Variants in CCDC141 observed in about 807,000 individuals in gnomAD.
CCDC141 encodes coiled-coil domain containing 141, also known as coiled-coil domain-containing protein 141.
In CCDC141, 168 loss-of-function variants were observed where a neutral mutation model predicts 181.0. The ratio of observed to expected loss-of-function variants is 0.93; its 90% CI spans 0.82 to 1.05. The LOEUF (loss-of-function observed/expected upper bound fraction) is 1.05, where lower values mean the gene tolerates loss of function less well. Ranked by LOEUF, CCDC141 falls within the 50% of genes least tolerant of loss-of-function variation. CCDC141 has a pLI of 0.00. For missense variants in CCDC141, 1,902 were observed against 1,788.5 expected (o/e 1.06, Z -1.14); for synonymous variants, 666 against 642.3 (o/e 1.04, Z -0.56).
chr2:178,966,175 C>T (rs956469950), intron 4 of CCDC141, among the ~76,000 whole-genome samples: 10 of 152,212 alleles, frequency 6.6e-5, no homozygotes, highest in Non-Finnish European at 1.3e-4. Flanking sequence ...GGGAAAGGGG[C>T]GCCTATGGGC....
intron 2 of CCDC141, among the ~76,000 whole-genome samples, chr2:178,987,534 C>A (rs1387568891): frequency 1.3e-5 from 2 of 151,814 alleles, no homozygotes; most frequent in East Asian, 3.9e-4. Context: ...AACAGGCAAC[C>A]TACAACATGG....
In CCDC141 at chr2:178,926,236, C is replaced by T. The variant is rs1440708602; in HGVS notation, c.898-7329G>A. On this transcript the variant is annotated intron_variant, in intron 6 of 23. Transcript: ENST00000443758. Reference sequence around the variant, plus strand: ...ACTTACAATCAGACAAATTTTGGAACCACTGATCCAGAATATTCTAAGGTA... The same window carrying T: ...ACTTACAATCAGACAAATTTTGGAATCACTGATCCAGAATATTCTAAGGTA... Among the ~76,000 whole-genome samples, 3 of 152,008 alleles carry T rather than the reference C, an allele frequency of 2.0e-5. No individual in the cohort carries two copies. In the East Asian group the frequency reaches 5.8e-4, roughly 29 times the overall value.
Position 178,855,493 on chromosome 2 carries a change from A to G in CCDC141, c.2914T>C (p.Phe972Leu). The G allele has an allele frequency of 6.2e-7, 1 of 1,606,694 alleles. No homozygotes were observed. Among genetic ancestry groups the G allele is most frequent in the Non-Finnish European group, 8.5e-7 (1 of 1,177,586 alleles). The part of the protein sequence containing the change: ...EKVSNKTSDS[F>L]LNYPSDKVNV... Reference sequence around the variant, plus strand: ...ACTTTATCACTTGGATAATTTAAGAAAGAATCAGAGGTTTTATTACTAACT... The same window carrying G: ...ACTTTATCACTTGGATAATTTAAGAGAGAATCAGAGGTTTTATTACTAACT... Residue 972 changes from phenylalanine to leucine, a missense_variant, in exon 19 of 24, where the codon TTC becomes CTC. Physicochemically the swap from Phe to Leu is conservative, Grantham distance 22. Transcript: ENST00000443758.
In CCDC141 at chr2:178,853,498, C is replaced by T; in HGVS notation, c.3187G>A (p.Val1063Met). The change falls in exon 20 of 24, where the codon GTG becomes ATG. Residue 1063 changes from valine (V) to methionine (M), a missense_variant. Coordinates refer to ENST00000443758, the MANE Select transcript of CCDC141 (RefSeq NM_173648.4). ...TGAATCCTTTCTTCTTGCTGCGGCA[C>T]TGAGGGTGCAATAAACTTATTAAAC... ...QQFNKFIAPS[V>M]PQQEERIQEA... 1.2e-6 allele frequency: 2 copies of T among 1,614,154 alleles called. No homozygotes were observed. The highest frequency in any genetic ancestry group is 2.2e-5 in the South Asian group (2 of 91,084).
At chr2:178,835,162 C>A (rs975685498) in intron 23 of CCDC141, among the ~76,000 whole-genome samples, 3 of 152,082 alleles carry the variant, frequency 2.0e-5, no homozygotes, top group Non-Finnish European at 4.4e-5. Flanking sequence ...TTATAAACTG[C>A]ATGGGAGTGA....
intron 5 of CCDC141, among the ~76,000 whole-genome samples, chr2:178,945,243 T>C (rs1689681187): frequency 6.6e-6 from 1 of 152,178 alleles, no homozygotes; most frequent in Non-Finnish European, 1.5e-5. Flanking sequence ...CCTTTCTAAA[T>C]GATGCCAACA....
At chr2:178,871,937 C>T (rs1686135989) in intron 13 of CCDC141, among the ~76,000 whole-genome samples, 196 bp downstream of exon 13, 1 of 152,194 alleles carries the variant, frequency 6.6e-6, no homozygotes, top group Admixed American at 6.5e-5. Flanking sequence ...CCTCTCTCTC[C>T]CAGTCCCTGG....
chr2:178,836,350 T>G (rs1403817751), intron 23 of CCDC141: 1 of 152,948 alleles, frequency 6.5e-6, no homozygotes, highest in African/African-American at 2.4e-5. Context: ...GGAGGAACTG[T>G]GACAGAAATA....
At chr2:178,861,316 A>T (rs576416585) in intron 17 of CCDC141, among the ~76,000 whole-genome samples, 1 of 152,110 alleles carries the variant, frequency 6.6e-6, no homozygotes, top group Non-Finnish European at 1.5e-5. Flanking sequence ...ACAGGCACAC[A>T]TCACCATGCT....
chr2:178,965,475 C>T (rs1353942108), intron 4 of CCDC141, among the ~76,000 whole-genome samples: 1 of 152,144 alleles, frequency 6.6e-6, no homozygotes, highest in Non-Finnish European at 1.5e-5. Flanking sequence ...CCATGGAAGG[C>T]GAGCCAAAGC....
At chr2:178,932,445 A>G (rs138071840) in intron 6 of CCDC141, among the ~76,000 whole-genome samples, 2 of 152,078 alleles carry the variant, frequency 1.3e-5, no homozygotes, top group African/African-American at 4.8e-5. Flanking sequence ...CTAAGATGCT[A>G]TATGTTGCCA....
intron 4 of CCDC141, among the ~76,000 whole-genome samples, chr2:178,964,621 G>A (rs934657729): frequency 1.3e-5 from 2 of 152,294 alleles, no homozygotes; most frequent in African/African-American, 4.8e-5. Context: ...CACGATGGCT[G>A]TTGAGGTGGA....
At chr2:178,878,205 T>C in intron 11 of CCDC141, 62 bp from the exon 12 acceptor site, 1 of 1,080,314 alleles carries the variant, frequency 9.3e-7, no homozygotes, top group Non-Finnish European at 1.3e-6. Context: ...AAAAGAACAG[T>C]AGATTCCAAT....
At chr2:178,903,425 T>C (rs1454870725) in intron 8 of CCDC141, among the ~76,000 whole-genome samples, 4 of 151,850 alleles carry the variant, frequency 2.6e-5, no homozygotes, top group Admixed American at 2.6e-4. Flanking sequence ...TACTATGCAG[T>C]CATAAAAATT....
Position 178,944,655 on chromosome 2 carries a change from G to A in CCDC141, c.781-4C>T. ...TTTTCTGAAACCAACAAGTAACCTA[G>A]GTAAAAGGCAACAAAGAAAGATCAA... is the stretch of plus-strand genomic sequence containing the variant. On this transcript the variant is annotated splice_region_variant and splice_polypyrimidine_tract_variant and intron_variant, in intron 5 of 23. Coordinates refer to ENST00000443758, the MANE Select transcript of CCDC141 (RefSeq NM_173648.4). The A allele has an allele frequency of 7.5e-7, 1 of 1,332,278 alleles. No homozygotes were observed. Among genetic ancestry groups the A allele is most frequent in the Non-Finnish European group, 1.0e-6 (1 of 970,614 alleles). The allele number at this position is 1,332,278 out of a possible 1,614,324, so 82.5% of individuals were successfully genotyped here. A position where few individuals can be genotyped will look rare whatever the true frequency, so the allele number is the denominator to read the frequency against.
intron 2 of CCDC141, among the ~76,000 whole-genome samples, chr2:178,987,893 T>C (rs1412053500): frequency 6.6e-6 from 1 of 150,824 alleles, no homozygotes; most frequent in East Asian, 2.0e-4. Context: ...AGTTCAACCA[T>C]TGTGGAAGTC....
At chr2:178,956,041 A>G (rs934152281) in intron 5 of CCDC141, among the ~76,000 whole-genome samples, 2 of 152,170 alleles carry the variant, frequency 1.3e-5, no homozygotes, top group African/African-American at 4.8e-5. Flanking sequence ...TAACACTAAG[A>G]TAGTAGTTGG....
chr2:179,015,578 C>CATATATATGAG (rs1243627580), intron 2 of CCDC141, among the ~76,000 whole-genome samples: 1 of 106,950 alleles, frequency 9.4e-6, no homozygotes, highest in African/African-American at 3.3e-5. Context: ...TCATATATCT[C>CATATATATGAG]ATATATATCT....
rs1001603045 is a variant in CCDC141 at position 178,829,788 on chromosome 2, C to G, written c.*4385G>C. On this transcript the variant is annotated 3_prime_UTR_variant, in exon 24 of 24. Coordinates refer to ENST00000443758, the MANE Select transcript of CCDC141 (RefSeq NM_173648.4). ...AAGGAGATATTTTATTTTGTTTCAA[C>G]TAACTTATTTCATGGCTGCACTTAA... 6 of 152,216 alleles carry G rather than the reference C, an allele frequency of 3.9e-5. No homozygotes were observed. The highest frequency in any genetic ancestry group is 2.9e-5 in the Non-Finnish European group (2 of 68,040). 9.4% of individuals were successfully genotyped at this position (152,216 alleles called of 1,614,324 possible). A position where few individuals can be genotyped will look rare whatever the true frequency, so the allele number is the denominator to read the frequency against.
Sources: gnomAD v4.1 joint callset for allele counts (sites outside exome capture counted in the v4.1 genomes callset) on GRCh38, gnomAD v4.1.1 for gene constraint, MANE v1.5 for transcripts, NCBI Gene and HGNC (gene_info 2026-07-23, HGNC 2026-07-21) for gene names.